Variants in MYT1L observed in about 807,000 individuals in gnomAD.
MYT1L encodes myelin transcription factor 1-like protein.
MYT1L carries 12 observed loss-of-function variants against 126.7 expected under a neutral mutation model. The ratio of observed to expected loss-of-function variants is 0.09; its 90% confidence interval spans 0.06 to 0.15. MYT1L has a LOEUF of 0.15. Among genes scored for constraint, MYT1L ranks in the 10% least tolerant of loss-of-function variants. The pLI is 1.00. For missense variants in MYT1L, 979 were observed against 1,585.2 expected, an observed-to-expected ratio of 0.62 and a Z score of 6.49; for synonymous variants, 541 against 604.2, an observed-to-expected ratio of 0.90 and a Z score of 1.53.
rs2069159334 is a variant in MYT1L, at chr2:2,053,978, C to T, written c.-158G>A. On this transcript the variant is annotated splice_region_variant and 5_prime_UTR_variant, in exon 4 of 25. Coordinates refer to ENST00000647738, the MANE Select transcript of MYT1L (RefSeq NM_001303052.2). ...ATTAATACCACATAGAGTTCCTCAC[C>T]TTTAGGTGGCTCCTCGGATATCCAT... is the stretch of plus-strand genomic sequence containing the variant. 1 of 152,622 alleles carries T rather than the reference C, an allele frequency of 6.6e-6. No individual in the cohort carries two copies. Among genetic ancestry groups the T allele is most frequent in the African/African-American group, 2.4e-5 (1 of 41,446 alleles). The allele number at this position is 152,622 out of a possible 1,614,324, so 9.5% of individuals were successfully genotyped here.
intron 3 of MYT1L, among the ~76,000 whole-genome samples, chr2:2,091,183 A>G (rs985057376): frequency 1.3e-5 from 2 of 152,184 alleles, no homozygotes; most frequent in African/African-American, 4.8e-5. Context: ...TATCCATAGC[A>G]CTTATTGTCT....
chr2:2,248,481 T>A (rs1351869884), intron 2 of MYT1L, among the ~76,000 whole-genome samples: 2 of 152,078 alleles, frequency 1.3e-5, no homozygotes, highest in Non-Finnish European at 2.9e-5. Flanking sequence ...CTACTCTAAC[T>A]GTTTGAAAAA....
chr2:1,995,836 G>A (rs1297886637), intron 5 of MYT1L, among the ~76,000 whole-genome samples: 7 of 152,194 alleles, frequency 4.6e-5, no homozygotes, highest in Non-Finnish European at 8.8e-5. Context: ...AGGTGACGAG[G>A]TGGGCAGCGG....
chr2:2,252,630 C>T (rs557528995), intron 2 of MYT1L, among the ~76,000 whole-genome samples: 8 of 152,182 alleles, frequency 5.3e-5, no homozygotes, highest in South Asian at 2.1e-4. Flanking sequence ...GGTAGATGGG[C>T]GGGGTGTTGA....
At chr2:2,247,908 T>C (rs1378436180) in intron 2 of MYT1L, among the ~76,000 whole-genome samples, 1 of 152,164 alleles carries the variant, frequency 6.6e-6, no homozygotes, top group East Asian at 1.9e-4. Context: ...GGGAAATTTA[T>C]AGCTGTAAGT....
intron 2 of MYT1L, among the ~76,000 whole-genome samples, chr2:2,248,900 C>T (rs1163155569): frequency 6.6e-6 from 1 of 152,094 alleles, no homozygotes; most frequent in Non-Finnish European, 1.5e-5. Flanking sequence ...GTATGACAGA[C>T]TCACAGCTAG....
intron 21 of MYT1L, among the ~76,000 whole-genome samples, chr2:1,833,271 GGAGT>G (rs1236180039): frequency 6.6e-6 from 1 of 152,140 alleles, no homozygotes. Context: ...CTGGGCTCGG[GGAGT>G]GAGTGTTAGG....
intron 2 of MYT1L, among the ~76,000 whole-genome samples, chr2:2,232,684 A>G (rs1305358119): frequency 1.3e-5 from 2 of 152,196 alleles, no homozygotes; most frequent in Non-Finnish European, 2.9e-5. Flanking sequence ...GGGAGCTACG[A>G]TAGGCTTTAG....
chr2:2,153,381 C>A (rs986970717), intron 3 of MYT1L, among the ~76,000 whole-genome samples: 1 of 152,184 alleles, frequency 6.6e-6, no homozygotes, highest in East Asian at 1.9e-4. Context: ...TCCTGGGAAA[C>A]AGATACCACC....
In MYT1L at chr2:2,262,917, TATATATATATATATAACCTGTG is replaced by T. The variant is rs1425463534; in HGVS notation, c.-421+21465_-421+21486del. On this transcript the variant is annotated intron_variant, in intron 2 of 24. Transcript: ENST00000647738. ...TTTTACCCCAGGTGAGAGGCACAAA[TATATATATATATATAACCTGTG>T]ATATATATATATATATCACAGGTAA... 2.2e-5 allele frequency among the ~76,000 whole-genome samples: 2 copies of T among 90,762 alleles called. 1 individual carries two copies. Among genetic ancestry groups the T allele is most frequent in the African/African-American group, 9.5e-5 (2 of 21,124 alleles). 59.5% of individuals were successfully genotyped at this position (90,762 alleles called of 152,430 possible).
intron 3 of MYT1L, among the ~76,000 whole-genome samples, chr2:2,069,716 C>T (rs540718036): frequency 1.7e-4 from 26 of 152,070 alleles, no homozygotes; most frequent in African/African-American, 6.3e-4. Context: ...TGTTTCTTCA[C>T]ATCCTCTCCA....
chr2:2,178,743 C>T (rs1315859455), intron 2 of MYT1L, among the ~76,000 whole-genome samples: 1 of 152,128 alleles, frequency 6.6e-6, no homozygotes, highest in Non-Finnish European at 1.5e-5. Flanking sequence ...AAGGATAGTG[C>T]AGCCTGCCTC....
chr2:2,113,441 C>T (rs1243155420), intron 3 of MYT1L, among the ~76,000 whole-genome samples: 2 of 152,176 alleles, frequency 1.3e-5, no homozygotes, highest in African/African-American at 4.8e-5. Flanking sequence ...CCAGGTCACT[C>T]CTGCACCTGG....
chr2:2,115,472 G>A (rs375653050), intron 3 of MYT1L, among the ~76,000 whole-genome samples: 4 of 152,206 alleles, frequency 2.6e-5, no homozygotes, highest in African/African-American at 2.4e-5. Context: ...GAAGGTTCTC[G>A]TGCTTCCGTA....
chr2:2,005,184 G>T (rs2063095169), intron 4 of MYT1L, among the ~76,000 whole-genome samples: 1 of 143,756 alleles, frequency 7.0e-6, no homozygotes, highest in Non-Finnish European at 1.5e-5. Context: ...TCCTGCATGT[G>T]TTTTTTCCTG....
chr2:2,072,375 C>G (rs1302975635), intron 3 of MYT1L, among the ~76,000 whole-genome samples: 1 of 152,172 alleles, frequency 6.6e-6, no homozygotes, highest in Non-Finnish European at 1.5e-5. Context: ...AAGTTATCTA[C>G]TAGAAAGTTT....
intron 21 of MYT1L, among the ~76,000 whole-genome samples, chr2:1,830,548 G>A (rs1371062566): frequency 6.6e-6 from 1 of 152,052 alleles, no homozygotes; most frequent in Non-Finnish European, 1.5e-5. Flanking sequence ...ACCCGGAAGG[G>A]CTCACAGGGA....
rs147151031 is a variant in MYT1L, at chr2:2,161,217, A to G, written c.-304+11655T>C. 2.2e-4 allele frequency among the ~76,000 whole-genome samples: 34 copies of G among 152,244 alleles called. 2 individuals carry two copies. The highest frequency in any genetic ancestry group is 7.7e-4 in the East Asian group (4 of 5,182). On this transcript the variant is annotated intron_variant, in intron 3 of 24. Transcript: ENST00000647738. ...AATGGAGAGAGACTCCATCTCAAAC[A>G]AAACAAAACAAAACAAAAACCAAAC... is the stretch of plus-strand genomic sequence containing the variant.
chr2:1,999,689 A>G (rs561970053), intron 4 of MYT1L, among the ~76,000 whole-genome samples: 1 of 152,366 alleles, frequency 6.6e-6, no homozygotes, highest in South Asian at 2.1e-4. Flanking sequence ...CAACATGCTC[A>G]GTTTTCATGC....
Sources: allele counts gnomAD v4.1 joint callset (sites outside exome capture counted in the v4.1 genomes callset), GRCh38; gene constraint gnomAD v4.1.1; transcripts MANE v1.5; gene names NCBI Gene and HGNC (gene_info 2026-07-23, HGNC 2026-07-21).